The following HECW2 variants were observed in gnomAD, a reference collection of about 807,000 sequenced individuals.
HECW2 encodes the protein HECT, C2 and WW domain containing E3 ubiquitin protein ligase 2.
HECW2 carries 61 observed loss-of-function variants against 175.2 expected under a neutral mutation model. The observed-to-expected ratio is 0.35, with a 90% CI of 0.28 to 0.43. The LOEUF (loss-of-function observed/expected upper bound fraction) is 0.43. Ranked by LOEUF, HECW2 falls within the 20% of genes least tolerant of loss-of-function variation. The pLI is 1.00. For synonymous variants in HECW2, 671 were observed against 731.0 expected (o/e 0.92, Z 1.32); for missense variants, 1,524 against 2,000.5 (o/e 0.76, Z 4.54).
At position 196,197,907 on chromosome 2, in the gene HECW2, T is replaced by C. The variant is rs1208537119; in HGVS notation, c.*3370A>G. The C allele has an allele frequency of 1.3e-5, 2 of 152,234 alleles. No individual in the cohort carries two copies. Among genetic ancestry groups the C allele is most frequent in the Non-Finnish European group, 2.9e-5 (2 of 68,028 alleles). 9.4% of individuals were successfully genotyped at this position (152,234 alleles called of 1,614,324 possible). On this transcript the variant is annotated 3_prime_UTR_variant, in exon 29 of 29. Coordinates refer to ENST00000644978, the MANE Select transcript of HECW2 (RefSeq NM_001348768.2). ...CTACCATTTCTTTCAAACACTTGAATGCATTTTTACCATTTCTGATTGTTG... is the reference window on the plus strand; with the variant it reads ...CTACCATTTCTTTCAAACACTTGAACGCATTTTTACCATTTCTGATTGTTG...
chr2:196,574,046 A>G (rs1690475477), intron 1 of HECW2, among the ~76,000 whole-genome samples: 1 of 152,100 alleles, frequency 6.6e-6, no homozygotes, highest in African/African-American at 2.4e-5. Flanking sequence ...CAAAATCAAC[A>G]TTATAAAATC....
chr2:196,288,585 C>T (rs2106018292), intron 14 of HECW2: 1 of 152,240 alleles, frequency 6.6e-6, no homozygotes, highest in African/African-American at 2.4e-5. Context: ...CAGTATATCC[C>T]TTATAAGTCA....
At chr2:196,304,205 A>G (rs1375061429) in intron 13 of HECW2, among the ~76,000 whole-genome samples, 1 of 152,114 alleles carries the variant, frequency 6.6e-6, no homozygotes, top group African/African-American at 2.4e-5. Context: ...CCTACCCCTG[A>G]GTCTCTGCAC....
intron 2 of HECW2, among the ~76,000 whole-genome samples, chr2:196,402,093 C>T (rs1438208866): frequency 1.4e-5 from 2 of 143,186 alleles, no homozygotes; most frequent in Middle Eastern, 3.9e-3. Flanking sequence ...CCCAGCTACT[C>T]GGGAGGCTGA....
At chr2:196,499,350 T>C (rs1352644784) in intron 1 of HECW2, among the ~76,000 whole-genome samples, 1 of 152,150 alleles carries the variant, frequency 6.6e-6, no homozygotes, top group African/African-American at 2.4e-5. Flanking sequence ...CTGCAGGTTA[T>C]GAAAGTATTC....
At chr2:196,322,956 T>C (rs1369526128) in intron 6 of HECW2, among the ~76,000 whole-genome samples, 4 of 152,276 alleles carry the variant, frequency 2.6e-5, no homozygotes, top group Non-Finnish European at 2.9e-5. Context: ...TGTATCTCAA[T>C]TCTTTGATAT....
chr2:196,359,199 C>T (rs1361918564), intron 2 of HECW2, among the ~76,000 whole-genome samples: 3 of 152,156 alleles, frequency 2.0e-5, no homozygotes, highest in Non-Finnish European at 4.4e-5. Context: ...CCTGTAATCC[C>T]AGCATGTTAG....
intron 1 of HECW2, among the ~76,000 whole-genome samples, chr2:196,532,807 G>A (rs1688885643): frequency 1.3e-5 from 2 of 149,642 alleles, no homozygotes; most frequent in South Asian, 2.1e-4. Context: ...AGTAACACTA[G>A]TAAGGAGAAG....
At chr2:196,494,101 T>G (rs1368901638) in intron 1 of HECW2, among the ~76,000 whole-genome samples, 1 of 152,180 alleles carries the variant, frequency 6.6e-6, no homozygotes, top group African/African-American at 2.4e-5. Flanking sequence ...AGGAGAGGCA[T>G]TCCAAGAGAA....
chr2:196,474,637 A>G (rs1352172706), intron 1 of HECW2, among the ~76,000 whole-genome samples: 1 of 152,222 alleles, frequency 6.6e-6, no homozygotes, highest in Non-Finnish European at 1.5e-5. Flanking sequence ...ACATAGCTCT[A>G]TATGTGCAAA....
chr2:196,292,623 G>A lies in HECW2; in HGVS notation c.2942C>T (p.Ala981Val), dbSNP rs147733552. The A allele has an allele frequency of 1.9e-5, 30 of 1,613,950 alleles. No individual in the cohort carries two copies. The highest frequency in any genetic ancestry group is 5.0e-5 in the Admixed American group (3 of 60,002). ...RDLVGFLNMF[A>V]NKQLELPRGW... is the part of the protein sequence containing the mutation. ...CCGCGGCAGCTCTAGCTGTTTGTTC[G>A]CGAACATGTTGAGGAATCCCACAAG... Residue 981 changes from alanine (A) to valine (V), a missense_variant, in exon 14 of 29, where the codon GCG (alanine) becomes GTG (valine). Physicochemically the swap from Ala to Val is moderately conservative, Grantham distance 64. Transcript: ENST00000644978.
At chr2:196,406,249 G>A (rs1396640936) in intron 2 of HECW2, among the ~76,000 whole-genome samples, 16 of 152,060 alleles carry the variant, frequency 1.1e-4, no homozygotes. Context: ...AACAATTCCT[G>A]ACTCTCCTTT....
Position 196,228,118 on chromosome 2 carries a change from C to A in HECW2, c.3901G>T (p.Asp1301Tyr). 6.3e-7 allele frequency: 1 copy of A among 1,586,562 alleles called. No homozygotes were observed. Among genetic ancestry groups the A allele is most frequent in the Non-Finnish European group, 8.6e-7 (1 of 1,169,228 alleles). Reference protein sequence around the residue: ...VQISPMSAFVDNHHEWFRFSG... With the variant: ...VQISPMSAFVYNHHEWFRFSG... ...AATACTTACCATTCATGGTGATTGT[C>A]TACAAAAGCAGACATAGGACTTATT... Residue 1301 changes from aspartate to tyrosine, a missense_variant, in exon 22 of 29, where the codon GAC (aspartate) becomes TAC (tyrosine). Coordinates refer to ENST00000644978, the MANE Select transcript of HECW2 (RefSeq NM_001348768.2).
At chr2:196,433,078 A>T (rs1050471278) in intron 2 of HECW2, 54 bp downstream of exon 2, 35 of 1,498,204 alleles carry the variant, frequency 2.3e-5, no homozygotes, top group Non-Finnish European at 2.8e-5. Flanking sequence ...AAAAATGTCA[A>T]ACTAAAAACT....
rs1160140452 is a variant in HECW2 at position 196,323,915 on chromosome 2, G to GTTTTTTTTTTTT, written c.741+1064_741+1065insAAAAAAAAAAAA. 4.4e-5 allele frequency among the ~76,000 whole-genome samples: 3 copies of GTTTTTTTTTTTT among 68,796 alleles called. 1 individual carries two copies. The highest frequency in any genetic ancestry group is 8.6e-5 in the African/African-American group (2 of 23,304). 45.1% of individuals were successfully genotyped at this position (68,796 alleles called of 152,430 possible). A position where few individuals can be genotyped will look rare whatever the true frequency, so the allele number is the denominator to read the frequency against. ...CCCTTAAGAGTTTTTTTTGTTTTTT[G>GTTTTTTTTTTTT]TTTGTTTTTTTTTTTTTTTTTTACC... On this transcript the variant is annotated intron_variant, in intron 6 of 28. Coordinates refer to ENST00000644978, the MANE Select transcript of HECW2 (RefSeq NM_001348768.2).
In HECW2 at chr2:196,402,003, A is replaced by G. The variant is rs575021716; in HGVS notation, c.292+31129T>C. Among the ~76,000 whole-genome samples, 4 of 152,046 alleles carry G rather than the reference A, an allele frequency of 2.6e-5. No individual in the cohort carries two copies. In the South Asian group the frequency reaches 8.3e-4, roughly 32 times the overall value. ...ATCACAAGGTCAGGAGATCGAGACC[A>G]TCCTGGCTAACATGGTGAAACCGTG... On this transcript the variant is annotated intron_variant, in intron 2 of 28. Coordinates refer to ENST00000644978, the MANE Select transcript of HECW2 (RefSeq NM_001348768.2).
At chr2:196,251,323 T>C (rs964150856) in intron 19 of HECW2, among the ~76,000 whole-genome samples, 4 of 152,332 alleles carry the variant, frequency 2.6e-5, no homozygotes, top group Admixed American at 2.0e-4. Context: ...CCCTTAAATA[T>C]TGAGGTTTCT....
intron 1 of HECW2, among the ~76,000 whole-genome samples, chr2:196,532,439 G>A (rs993809204): frequency 1.4e-4 from 21 of 152,168 alleles, no homozygotes; most frequent in South Asian, 1.2e-3. Context: ...GAGAACATAC[G>A]GACACAGGGA....
intron 4 of HECW2, among the ~76,000 whole-genome samples, chr2:196,332,364 G>A (rs150599121): frequency 1.7e-4 from 26 of 152,284 alleles, no homozygotes; most frequent in Non-Finnish European, 2.6e-4. Context: ...AAAATGAGGT[G>A]CCCATGAGGT....
Sources: allele counts gnomAD v4.1 joint callset (sites outside exome capture counted in the v4.1 genomes callset), GRCh38; gene constraint gnomAD v4.1.1; transcripts MANE v1.5; gene names NCBI Gene and HGNC (gene_info 2026-07-23, HGNC 2026-07-21).